The following KANK2 variants were observed in gnomAD, a reference collection of about 807,000 sequenced individuals.
The protein encoded by KANK2 is KN motif and ankyrin repeat domains 2.
A neutral mutation model predicts 74.6 loss-of-function variants in KANK2; 41 were observed. That is an observed-to-expected ratio of 0.55 (90% CI 0.43 to 0.71). The LOEUF is 0.71. Ranked by LOEUF, KANK2 falls within the 30% of genes least tolerant of loss-of-function variation. KANK2 has a pLI of 0.00. For synonymous variants in KANK2, 537 were observed against 519.0 expected, an observed-to-expected ratio of 1.03 and a Z score of -0.47; for missense variants, 1,148 against 1,196.4, an observed-to-expected ratio of 0.96 and a Z score of 0.60.
At chr19:11,172,546 C>T (rs146576912) in intron 10 of KANK2, among the ~76,000 whole-genome samples, 6,772 of 152,164 alleles carry the variant, frequency 0.045, 210 homozygotes, top group Non-Finnish European at 0.059. Flanking sequence ...CTGAAGGGAG[C>T]GCTCAAACCA....
upstream of KANK2, chr19:11,197,821 C>T (rs1316694304): frequency 6.6e-6 from 1 of 151,952 alleles, no homozygotes; most frequent in Non-Finnish European, 1.5e-5. Context: ...CCTGCTGTCC[C>T]TGGGCCGCTG....
intron 6 of KANK2, among the ~76,000 whole-genome samples, chr19:11,177,612 A>G (rs922900736): frequency 2.6e-5 from 4 of 152,070 alleles, no homozygotes; most frequent in African/African-American, 7.2e-5. Flanking sequence ...TCAGCCTCCC[A>G]AAGTGCTGGG....
At chr19:11,196,929 G>C (rs571410067) in intron 1 of KANK2, 5 of 151,430 alleles carry the variant, frequency 3.3e-5, no homozygotes, top group South Asian at 2.1e-4. Context: ...AACTCGGGGT[G>C]GGGGGAGGCG....
At chr19:11,180,825 C>T (rs1482699744) in intron 4 of KANK2, among the ~76,000 whole-genome samples, 1 of 152,098 alleles carries the variant, frequency 6.6e-6, no homozygotes, top group Non-Finnish European at 1.5e-5. Context: ...GTAGCTCACG[C>T]TTGTAATCCC....
In KANK2 at chr19:11,164,733, T is replaced by G. The variant is rs1393449923; in HGVS notation, c.*1825A>C. 7.3e-5 allele frequency: 6 copies of G among 81,988 alleles called. No individual in the cohort carries two copies. The highest frequency in any genetic ancestry group is 1.8e-4 in the African/African-American group (6 of 34,170). 5.1% of individuals were successfully genotyped at this position (81,988 alleles called of 1,614,324 possible). A position where few individuals can be genotyped will look rare whatever the true frequency, so the allele number is the denominator to read the frequency against. Reference sequence around the variant, plus strand: ...ATTCATCCATCCATCCATCCATCCATCCATCCATCCATCCATCCATCCATC... The same window carrying G: ...ATTCATCCATCCATCCATCCATCCAGCCATCCATCCATCCATCCATCCATC... On this transcript the variant is annotated 3_prime_UTR_variant, in exon 13 of 13. Coordinates refer to ENST00000586659, the MANE Select transcript of KANK2 (RefSeq NM_001136191.3).
chr19:11,195,359 G>C (rs2078988203), intron 2 of KANK2, among the ~76,000 whole-genome samples: 1 of 151,860 alleles, frequency 6.6e-6, no homozygotes, highest in Non-Finnish European at 1.5e-5. Context: ...AAAAGGGAGG[G>C]ACAGTCAGAG....
At chr19:11,177,268 A>C (rs2078372075) in intron 6 of KANK2, among the ~76,000 whole-genome samples, 1 of 151,712 alleles carries the variant, frequency 6.6e-6, no homozygotes, top group Non-Finnish European at 1.5e-5. Context: ...TGTATTTTTT[A>C]GTAGAGTCGG....
At position 11,164,727 on chromosome 19, in the gene KANK2, CATCCATCCATCCATCCATCCATCCATCCA is replaced by C. The variant is rs1475950582; in HGVS notation, c.*1802_*1830del. The C allele has an allele frequency of 4.0e-4, 8 of 20,018 alleles. No homozygotes were observed. The highest frequency in any genetic ancestry group is 3.0e-3 in the East Asian group (4 of 1,344). 1.2% of individuals were successfully genotyped at this position (20,018 alleles called of 1,614,324 possible). A position where few individuals can be genotyped will look rare whatever the true frequency, so the allele number is the denominator to read the frequency against. ...CTATCTATTCATCCATCCATCCATCCATCCATCCATCCATCCATCCATCCATCCATCCTGCTTGTCTCCTTTGACCAGCC... is the reference window on the plus strand; with the variant it reads ...CTATCTATTCATCCATCCATCCATCCTCCTGCTTGTCTCCTTTGACCAGCC... On this transcript the variant is annotated 3_prime_UTR_variant, in exon 13 of 13. Transcript: ENST00000586659.
chr19:11,171,465 GATAAA>G (rs1243475700), intron 10 of KANK2, among the ~76,000 whole-genome samples: 2 of 141,930 alleles, frequency 1.4e-5, no homozygotes, highest in Middle Eastern at 3.4e-3. Context: ...AAAAAATAGA[GATAAA>G]ATAAAATAAA....
intron 4 of KANK2, among the ~76,000 whole-genome samples, chr19:11,183,157 G>A (rs2078577977): frequency 6.6e-6 from 1 of 152,218 alleles, no homozygotes; most frequent in African/African-American, 2.4e-5. Flanking sequence ...GTCTGTGAGA[G>A]AGTAAAACAT....
chr19:11,189,203 T>C (rs1375486533), intron 4 of KANK2, among the ~76,000 whole-genome samples: 1 of 138,948 alleles, frequency 7.2e-6, no homozygotes, highest in African/African-American at 2.7e-5. Flanking sequence ...GCAGTCCTCC[T>C]GTTTTGGCCT....
At chr19:11,171,573 T>C (rs2078174616) in intron 10 of KANK2, among the ~76,000 whole-genome samples, 2 of 151,884 alleles carry the variant, frequency 1.3e-5, no homozygotes, top group South Asian at 4.2e-4. Flanking sequence ...GGGGTGTCTC[T>C]AGGTTCCCCA....
intron 4 of KANK2, among the ~76,000 whole-genome samples, chr19:11,191,784 G>A (rs2078854298): frequency 6.6e-5 from 10 of 152,178 alleles, no homozygotes; most frequent in Admixed American, 6.6e-4. Context: ...TGAGGCCAGC[G>A]TGGTGGCTCA....
chr19:11,166,733 CAAGGAGG>C, intron 12 of KANK2, 122 bp from the exon 13 acceptor site: 1 of 900,980 alleles, frequency 1.1e-6, no homozygotes, highest in Non-Finnish European at 1.8e-6. Context: ...CCCCTGGCCC[CAAGGAGG>C]TGGCGATCTG....
At chr19:11,197,381 C>T (rs2079052995) in intron 1 of KANK2, 104 bp downstream of exon 1, 1 of 114,692 alleles carries the variant, frequency 8.7e-6, no homozygotes, top group East Asian at 2.5e-4. Flanking sequence ...GGTCGTGTCC[C>T]AGGGTTGGAG....
rs751261273 is a variant in KANK2, at chr19:11,193,577, G to T, written c.503C>A (p.Thr168Lys). ...TGTGGACAGTCCTGAACTCCGTGGT[G>T]TCGGGGGTGGCAACCCCACGCCCAC... ...SLVGVGLPPP[T>K]PRSSGLSTPV... Residue 168 changes from threonine to lysine, a missense_variant, in exon 4 of 13, where the codon ACA becomes AAA. Coordinates refer to ENST00000586659, the MANE Select transcript of KANK2 (RefSeq NM_001136191.3). The surrounding 1 kb of genome is among the most constrained non-coding windows in gnomAD (Gnocchi z 9.6). 3 of 1,588,944 alleles carry T rather than the reference G, an allele frequency of 1.9e-6. No homozygotes were observed. The highest frequency in any genetic ancestry group is 1.1e-5 in the South Asian group (1 of 89,440).
At chr19:11,194,659 C>A in intron 2 of KANK2, 69 bp from the exon 3 acceptor site, 1 of 638,408 alleles carries the variant, frequency 1.6e-6, no homozygotes, top group South Asian at 1.7e-5. Context: ...TGAGGCCAGC[C>A]CCCTCCACAG....
chr19:11,188,432 T>C (rs111880244), intron 4 of KANK2, among the ~76,000 whole-genome samples: 33,483 of 151,468 alleles, frequency 0.22, 4,105 homozygotes, highest in South Asian at 0.43. Context: ...CTCGAGCTCC[T>C]GACCTCAGGT....
intron 4 of KANK2, among the ~76,000 whole-genome samples, chr19:11,182,849 A>G (rs937603936): frequency 8.2e-5 from 12 of 145,778 alleles, no homozygotes; most frequent in African/African-American, 3.0e-4. Context: ...TCAAAAAAAA[A>G]AAAAAAAAAA....
Sources: gnomAD v4.1 joint callset for allele counts (sites outside exome capture counted in the v4.1 genomes callset) on GRCh38, gnomAD v4.1.1 for gene constraint, Gnocchi (gnomAD v3.1) non-coding constraint, MANE v1.5 for transcripts, NCBI Gene and HGNC (gene_info 2026-07-23, HGNC 2026-07-21) for gene names.